The following OBP2B variants were observed in gnomAD, a reference collection of about 807,000 sequenced individuals.
The protein encoded by OBP2B is odorant-binding protein 2b.
In OBP2B, 10 loss-of-function variants were observed where a neutral mutation model predicts 21.7. The ratio of observed to expected loss-of-function variants is 0.46; its 90% CI spans 0.28 to 0.78. The LOEUF (loss-of-function observed/expected upper bound fraction) is 0.78. OBP2B is among the 30% of genes least tolerant of loss of function. The pLI, the probability that OBP2B is intolerant of heterozygous loss-of-function variation, is 0.11. For synonymous variants in OBP2B, 73 were observed against 91.5 expected (o/e 0.80, Z 1.16); for missense variants, 153 against 217.7 (o/e 0.70, Z 1.87).
At chr9:133,221,439 G>A in the OBP2B span, among the ~76,000 whole-genome samples, 2 of 152,182 alleles carry the variant, frequency 1.3e-5, no homozygotes, top group African/African-American at 4.8e-5. Flanking sequence ...ATACTCTTGG[G>A]CACGGCATGA....
chr9:133,206,186 C>A, intron 5 of OBP2B, 129 bp downstream of exon 5: 1 of 1,197,602 alleles, frequency 8.4e-7, no homozygotes, highest in Non-Finnish European at 1.2e-6. Context: ...GGCCCGGGAG[C>A]CCCTGCGAGG....
the OBP2B span, among the ~76,000 whole-genome samples, chr9:133,218,543 A>G: frequency 1.3e-5 from 2 of 152,236 alleles, no homozygotes; most frequent in Non-Finnish European, 2.9e-5. Context: ...CTGGGCATCC[A>G]GGAGAACAGG....
upstream of OBP2B, among the ~76,000 whole-genome samples, chr9:133,211,717 T>C (rs573666602): frequency 5.3e-5 from 8 of 152,336 alleles, no homozygotes; most frequent in East Asian, 1.2e-3. Flanking sequence ...ACATATTTTG[T>C]TGGTTTTTCT....
upstream of OBP2B, among the ~76,000 whole-genome samples, chr9:133,211,479 G>C (rs1833916318): frequency 6.6e-6 from 1 of 152,228 alleles, no homozygotes; most frequent in African/African-American, 2.4e-5. Flanking sequence ...CGTATTCACA[G>C]CTTCCCACCT....
rs139929476 is a variant in OBP2B at position 133,208,531 on chromosome 9, C to T, written c.144G>A (p.Lys48=). 3.2e-5 allele frequency: 51 copies of T among 1,613,600 alleles called. No homozygotes were observed. Among genetic ancestry groups the T allele is most frequent in the Non-Finnish European group, 4.2e-5 (49 of 1,179,758 alleles). ...GGGCTGTCACCTTCACTGGGGACACCTTCCTGGGCCTCCTGTCCTCCGGAA... is the reference window on the plus strand; with the variant it reads ...GGGCTGTCACCTTCACTGGGGACACTTTCCTGGGCCTCCTGTCCTCCGGAA... ...KDFPEDRRPR[K]VSPVKVTALG... is the part of the protein sequence containing the mutation. The change falls in exon 2 of 7, where the codon AAG becomes AAA. Residue 48 remains lysine, a synonymous_variant. Transcript: ENST00000372034.
At chr9:133,219,026 T>A in the OBP2B span, among the ~76,000 whole-genome samples, 1 of 152,234 alleles carries the variant, frequency 6.6e-6, no homozygotes, top group Non-Finnish European at 1.5e-5. Flanking sequence ...TTAGTTGAGA[T>A]GCCAAGATAA....
In OBP2B at chr9:133,208,523, G is replaced by A. The variant is rs1833820519; in HGVS notation, c.152C>T (p.Pro51Leu). 2.5e-6 allele frequency: 4 copies of A among 1,613,660 alleles called. No individual in the cohort carries two copies. The African/African-American group carries it at 5.3e-5, about 22-fold the overall frequency. The change falls in exon 2 of 7, where the codon CCA (proline) becomes CTA (leucine). Residue 51 changes from proline to leucine, a missense_variant. Coordinates refer to ENST00000372034, the MANE Select transcript of OBP2B (RefSeq NM_014581.4). ...ACCGCCCAGGGCTGTCACCTTCACT[G>A]GGGACACCTTCCTGGGCCTCCTGTC... is the stretch of plus-strand genomic sequence containing the variant. ...PEDRRPRKVS[P>L]VKVTALGGGK...
chr9:133,218,425 G>A, the OBP2B span, among the ~76,000 whole-genome samples: 2 of 152,220 alleles, frequency 1.3e-5, no homozygotes, highest in East Asian at 1.9e-4. Context: ...TATTTAAGGG[G>A]TCACTCCAGT....
upstream of OBP2B, among the ~76,000 whole-genome samples, chr9:133,214,141 A>G (rs1296455596): frequency 6.6e-6 from 1 of 152,232 alleles, no homozygotes; most frequent in African/African-American, 2.4e-5. Context: ...CAGAAAAAGT[A>G]TTTGACTAAA....
At chr9:133,223,160 C>A in the OBP2B span, among the ~76,000 whole-genome samples, 1 of 152,308 alleles carries the variant, frequency 6.6e-6, no homozygotes, top group East Asian at 1.9e-4. This position sits in a 1 kb window ranked among gnomAD's most constrained non-coding sequence, Gnocchi z 4.4. Flanking sequence ...GGTGTTGAGG[C>A]CTCATTCACA....
chr9:133,222,943 C>A, the OBP2B span, among the ~76,000 whole-genome samples: 1 of 152,058 alleles, frequency 6.6e-6, no homozygotes, highest in Non-Finnish European at 1.5e-5. Context: ...ACCACTCTCC[C>A]TTCAGAACAC....
intron 3 of OBP2B, 117 bp from the exon 4 acceptor site, chr9:133,207,453 T>C: frequency 1.4e-6 from 1 of 698,522 alleles, no homozygotes; most frequent in Non-Finnish European, 2.5e-6. Flanking sequence ...GAGCCAGGCC[T>C]GGCTGCTCCG....
chr9:133,216,987 A>C, the OBP2B span, among the ~76,000 whole-genome samples: 1 of 152,100 alleles, frequency 6.6e-6, no homozygotes, highest in Non-Finnish European at 1.5e-5. Flanking sequence ...AAAAAAAAAA[A>C]ACCTAGAGCC....
At chr9:133,222,328 C>G in the OBP2B span, among the ~76,000 whole-genome samples, 1 of 152,242 alleles carries the variant, frequency 6.6e-6, no homozygotes, top group African/African-American at 2.4e-5. Flanking sequence ...TGTGTCCTGG[C>G]CAGCACCCAG....
chr9:133,206,304 G>T lies in OBP2B; in HGVS notation c.490+11C>A. On this transcript the variant is annotated intron_variant, in intron 5 of 6. Transcript: ENST00000372034. ...AGAGGGACACAGGGGACTGGGCACA[G>T]CCATCCTCACCCGTCTGCAGGGGCG... The T allele has an allele frequency of 6.2e-7, 1 of 1,612,156 alleles. No individual in the cohort carries two copies. Among genetic ancestry groups the T allele is most frequent in the Non-Finnish European group, 8.5e-7 (1 of 1,178,206 alleles).
chr9:133,206,755 G>C (rs1350210917), intron 4 of OBP2B, among the ~76,000 whole-genome samples: 1 of 151,890 alleles, frequency 6.6e-6, no homozygotes, highest in Non-Finnish European at 1.5e-5. Flanking sequence ...CTGCCCAGAT[G>C]AGAGGTCCCC....
chr9:133,205,568 G>C, intron 6 of OBP2B, 157 bp from the exon 7 acceptor site: 1 of 617,452 alleles, frequency 1.6e-6, no homozygotes, highest in Admixed American at 3.0e-5. Flanking sequence ...GACTGGGCAG[G>C]CCTCTGAGCA....
the OBP2B span, among the ~76,000 whole-genome samples, chr9:133,216,693 T>C: frequency 1.3e-5 from 2 of 151,600 alleles, no homozygotes; most frequent in South Asian, 2.1e-4. Context: ...TAAAATGGAA[T>C]AAACTATTGA....
rs188307529 is a variant in OBP2B at position 133,209,120 on chromosome 9, C to T, written c.72+8G>A. 1 of 1,611,788 alleles carries T rather than the reference C, an allele frequency of 6.2e-7. No homozygotes were observed. Among genetic ancestry groups the T allele is most frequent in the East Asian group, 2.2e-5 (1 of 44,826 alleles). On this transcript the variant is annotated splice_region_variant and intron_variant, in intron 1 of 6. Transcript: ENST00000372034. This position sits in a 1 kb window ranked among gnomAD's most constrained non-coding sequence, Gnocchi z 6.0. ...GCTCCTCCATCCGCCCACGCCAACC[C>T]AGCTCACATCCTCCTCCTCCAGGGT... is the stretch of plus-strand genomic sequence containing the variant.
Sources: allele counts gnomAD v4.1 joint callset (sites outside exome capture counted in the v4.1 genomes callset), GRCh38; gene constraint gnomAD v4.1.1; non-coding constraint Gnocchi (gnomAD v3.1); transcripts MANE v1.5; gene names NCBI Gene and HGNC (gene_info 2026-07-23, HGNC 2026-07-21).